The following LRFN2 variants were observed in gnomAD, a reference collection of about 807,000 sequenced individuals.
The protein encoded by LRFN2 is leucine-rich repeat and fibronectin type-III domain-containing protein 2.
Under a neutral mutation model 37.3 loss-of-function variants are expected in LRFN2, and 18 were observed. The ratio of observed to expected loss-of-function variants is 0.48; its 90% CI spans 0.33 to 0.72. The LOEUF (loss-of-function observed/expected upper bound fraction) is 0.72, where lower values mean the gene tolerates loss of function less well. LRFN2 is among the 30% of genes least tolerant of loss of function. LRFN2 has a pLI of 0.02. For synonymous variants in LRFN2, 556 were observed against 466.6 expected (o/e 1.19, Z -2.47); for missense variants, 1,006 against 1,060.7 (o/e 0.95, Z 0.72).
At chr6:40,491,365 C>T (rs528687526) in intron 1 of LRFN2, among the ~76,000 whole-genome samples, 1 of 152,360 alleles carries the variant, frequency 6.6e-6, no homozygotes, top group East Asian at 1.9e-4. Flanking sequence ...TCAAGGCCAT[C>T]ATCTTGTGGA....
chr6:40,392,970 T>G lies in LRFN2; in HGVS notation c.1401-58A>C, dbSNP rs1193444898. 1.4e-5 allele frequency: 17 copies of G among 1,201,412 alleles called. No homozygotes were observed. The highest frequency in any genetic ancestry group is 7.9e-5 in the East Asian group (2 of 25,214). The allele number at this position is 1,201,412 out of a possible 1,614,324, so 74.4% of individuals were successfully genotyped here. A position where few individuals can be genotyped will look rare whatever the true frequency, so the allele number is the denominator to read the frequency against. On this transcript the variant is annotated intron_variant, in intron 2 of 2. Coordinates refer to ENST00000338305, the MANE Select transcript of LRFN2 (RefSeq NM_020737.3). This position sits in a 1 kb window ranked among gnomAD's most constrained non-coding sequence, Gnocchi z 4.7. ...GTGGTGGGGTGGAAGGACAGGGTGA[T>G]GGGGAGTGGACAGAGGTAGAAACAG...
At chr6:40,445,274 A>G (rs1170540288) in intron 1 of LRFN2, among the ~76,000 whole-genome samples, 80 of 152,240 alleles carry the variant, frequency 5.3e-4, no homozygotes, top group Non-Finnish European at 1.5e-5. Flanking sequence ...TGCCGATTTT[A>G]TAAGTGGAGA....
chr6:40,481,783 G>T (rs562784674), intron 1 of LRFN2, among the ~76,000 whole-genome samples: 2 of 152,248 alleles, frequency 1.3e-5, no homozygotes, highest in South Asian at 4.2e-4. Context: ...AGGTTCCTGT[G>T]CCCGGGGGCA....
At chr6:40,410,332 G>A (rs572578060) in intron 2 of LRFN2, among the ~76,000 whole-genome samples, 22 of 152,242 alleles carry the variant, frequency 1.4e-4, no homozygotes, top group Middle Eastern at 3.4e-3. Context: ...GGGGTGATGG[G>A]AGCACGGGGG....
intron 1 of LRFN2, among the ~76,000 whole-genome samples, chr6:40,572,522 G>T (rs1767207514): frequency 6.6e-6 from 1 of 152,232 alleles, no homozygotes; most frequent in Admixed American, 6.5e-5. Flanking sequence ...GAGGCTTGAT[G>T]GGCATATGAC....
chr6:40,550,346 A>T (rs771865831), intron 1 of LRFN2, among the ~76,000 whole-genome samples: 3 of 151,642 alleles, frequency 2.0e-5, no homozygotes, highest in Non-Finnish European at 4.4e-5. Context: ...TGGGAAGTGT[A>T]CGGACTGGTA....
chr6:40,447,286 G>A (rs796664597), intron 1 of LRFN2, among the ~76,000 whole-genome samples: 4 of 152,320 alleles, frequency 2.6e-5, no homozygotes, highest in Middle Eastern at 3.4e-3. Context: ...CCCACCGTAT[G>A]CCTCAGTTTT....
chr6:40,448,217 C>T (rs1764018351), intron 1 of LRFN2, among the ~76,000 whole-genome samples: 1 of 152,144 alleles, frequency 6.6e-6, no homozygotes, highest in African/African-American at 2.4e-5. Context: ...CATACCTTCC[C>T]ACTATGAAGA....
chr6:40,443,377 C>T (rs1055870300), intron 1 of LRFN2, among the ~76,000 whole-genome samples: 1 of 152,202 alleles, frequency 6.6e-6, no homozygotes, highest in Admixed American at 6.5e-5. Flanking sequence ...ATAGGCTGCC[C>T]TAACTCACAT....
chr6:40,546,379 A>G (rs979490056), intron 1 of LRFN2, among the ~76,000 whole-genome samples: 8 of 152,110 alleles, frequency 5.3e-5, no homozygotes, highest in Admixed American at 5.2e-4. Context: ...TGCATTATTC[A>G]TCTCAGTGAC....
At chr6:40,441,246 T>C (rs1244171621) in intron 1 of LRFN2, among the ~76,000 whole-genome samples, 2 of 152,170 alleles carry the variant, frequency 1.3e-5, no homozygotes, top group Non-Finnish European at 2.9e-5. Flanking sequence ...TGAATGAGTG[T>C]CTGCGCATGA....
chr6:40,409,908 C>A (rs1365337695), intron 2 of LRFN2, among the ~76,000 whole-genome samples: 1 of 152,164 alleles, frequency 6.6e-6, no homozygotes, highest in Non-Finnish European at 1.5e-5. Flanking sequence ...CCTCACCCCA[C>A]GGAGAGTTGC....
intron 2 of LRFN2, among the ~76,000 whole-genome samples, chr6:40,421,265 T>C (rs1316043870): frequency 6.6e-6 from 1 of 152,216 alleles, no homozygotes; most frequent in Non-Finnish European, 1.5e-5. Context: ...CTGATAGGTC[T>C]CAATCCATTT....
intron 1 of LRFN2, among the ~76,000 whole-genome samples, chr6:40,583,632 T>C (rs1767446271): frequency 6.6e-6 from 1 of 152,230 alleles, no homozygotes; most frequent in African/African-American, 2.4e-5. Context: ...CACATGCTGC[T>C]GTGCCCTTCC....
chr6:40,477,317 G>A (rs1490613305), intron 1 of LRFN2, among the ~76,000 whole-genome samples: 2 of 152,106 alleles, frequency 1.3e-5, no homozygotes, highest in African/African-American at 2.4e-5. Context: ...GGCTCTCCTC[G>A]AAGGCTGGCT....
intron 1 of LRFN2, among the ~76,000 whole-genome samples, chr6:40,452,491 A>G (rs975440678): frequency 1.3e-5 from 2 of 152,220 alleles, no homozygotes; most frequent in Non-Finnish European, 2.9e-5. Flanking sequence ...GCACTGCTGG[A>G]TTATTACTTC....
chr6:40,392,390 C>A lies in LRFN2; in HGVS notation c.1923G>T (p.Arg641Ser). The change falls in exon 3 of 3, where the codon AGG becomes AGT. Residue 641 changes from arginine to serine, a missense_variant. By Grantham distance (110) the Arg-to-Ser change is moderately radical (BLOSUM62 -1). Around this residue, in one of 4 missense-constraint regions of LRFN2, gnomAD observed 398 missense variants for 327.6 expected, o/e 1.21. Transcript: ENST00000338305. The surrounding 1 kb of genome is among the most constrained non-coding windows in gnomAD (Gnocchi z 4.7). Reference protein sequence around the residue: ...EAAGLGRAPWRIPPSAPRPKP... With the variant: ...EAAGLGRAPWSIPPSAPRPKP... ...TGGGGCGCGGGGCGGAGGGTGGGAT[C>A]CTCCAGGGGGCCCGTCCCAGCCCCG... The A allele has an allele frequency of 6.3e-7, 1 of 1,584,070 alleles. No homozygotes were observed. Among genetic ancestry groups the A allele is most frequent in the Non-Finnish European group, 8.6e-7 (1 of 1,165,476 alleles).
rs1765270595 is a variant in LRFN2, at chr6:40,497,781, G to A, written c.-18-64650C>T. Reference sequence around the variant, plus strand: ...CTGTCTTCCCCAGGATTGATGCATGGCCTTTGCAGAGAGGGCCTTGGGCTC... The same window carrying A: ...CTGTCTTCCCCAGGATTGATGCATGACCTTTGCAGAGAGGGCCTTGGGCTC... On this transcript the variant is annotated intron_variant, in intron 1 of 2. Coordinates refer to ENST00000338305, the MANE Select transcript of LRFN2 (RefSeq NM_020737.3). 2.0e-5 allele frequency among the ~76,000 whole-genome samples: 3 copies of A among 152,126 alleles called. No homozygotes were observed. The South Asian group carries it at 6.2e-4, about 32-fold the overall frequency.
chr6:40,521,414 C>A (rs1017271926), intron 1 of LRFN2, among the ~76,000 whole-genome samples: 1 of 152,204 alleles, frequency 6.6e-6, no homozygotes, highest in African/African-American at 2.4e-5. Flanking sequence ...CAATTTGAAA[C>A]AAAATGTGCA....
Sources: allele counts gnomAD v4.1 joint callset (sites outside exome capture counted in the v4.1 genomes callset), GRCh38; gene constraint gnomAD v4.1.1; regional missense constraint gnomAD v4.1.1; non-coding constraint Gnocchi (gnomAD v3.1); transcripts MANE v1.5; gene names NCBI Gene and HGNC (gene_info 2026-07-23, HGNC 2026-07-21).